Variants in DPYS observed in about 807,000 individuals in gnomAD.
The protein encoded by DPYS is dihydropyrimidinase.
Under a neutral mutation model 50.3 loss-of-function variants are expected in DPYS, and 39 were observed. The observed-to-expected ratio is 0.78, with a 90% confidence interval of 0.60 to 1.01. The LOEUF is 1.01. Ranked by LOEUF, DPYS falls within the 50% of genes least tolerant of loss-of-function variation. The pLI, the probability that DPYS is intolerant of heterozygous loss-of-function variation, is 0.00. For missense variants in DPYS, 659 were observed against 680.9 expected, an observed-to-expected ratio of 0.97 and a Z score of 0.36; for synonymous variants, 245 against 250.7, an observed-to-expected ratio of 0.98 and a Z score of 0.22.
At chr8:104,447,872 G>A (rs573938402) in intron 2 of DPYS, among the ~76,000 whole-genome samples, 23 of 152,200 alleles carry the variant, frequency 1.5e-4, no homozygotes, top group Admixed American at 4.6e-4. Context: ...GGATCCAGCA[G>A]GAATGAACGT....
chr8:104,404,879 T>A (rs1190888575), intron 7 of DPYS, among the ~76,000 whole-genome samples: 2 of 152,266 alleles, frequency 1.3e-5, no homozygotes, highest in Non-Finnish European at 2.9e-5. Flanking sequence ...AAGTACTATG[T>A]GGCTCTTTAC....
At chr8:104,389,603 A>G (rs1010522355) in intron 8 of DPYS, among the ~76,000 whole-genome samples, 1 of 151,832 alleles carries the variant, frequency 6.6e-6, no homozygotes, top group Non-Finnish European at 1.5e-5. Context: ...ACCTTATCAC[A>G]AATCCTGGCT....
At chr8:104,418,052 ATAAG>A (rs1812424463) in intron 7 of DPYS, among the ~76,000 whole-genome samples, 1 of 152,260 alleles carries the variant, frequency 6.6e-6, no homozygotes, top group South Asian at 2.1e-4. Context: ...CATGCCATTA[ATAAG>A]TAACAAGAAT....
At chr8:104,416,388 C>A (rs1476339593) in intron 7 of DPYS, among the ~76,000 whole-genome samples, 1 of 152,184 alleles carries the variant, frequency 6.6e-6, no homozygotes, top group East Asian at 1.9e-4. Flanking sequence ...ACAACCTGAA[C>A]CACCTCAGCC....
At chr8:104,385,006 T>C (rs1422317831) in intron 8 of DPYS, among the ~76,000 whole-genome samples, 1 of 152,192 alleles carries the variant, frequency 6.6e-6, no homozygotes, top group African/African-American at 2.4e-5. Flanking sequence ...TTCTCTAATA[T>C]AGTTTCCTTG....
intron 7 of DPYS, among the ~76,000 whole-genome samples, chr8:104,417,442 G>C (rs908044795): frequency 2.0e-5 from 3 of 152,136 alleles, no homozygotes; most frequent in African/African-American, 7.2e-5. Flanking sequence ...GCTGATCTCT[G>C]TCTTGACCAC....
intron 5 of DPYS, among the ~76,000 whole-genome samples, 200 bp from the exon 6 acceptor site, chr8:104,428,321 G>T (rs1331009669): frequency 6.6e-6 from 1 of 152,224 alleles, no homozygotes; most frequent in African/African-American, 2.4e-5. Context: ...AGGACACACT[G>T]ATCGGAAGCA....
At chr8:104,387,348 T>TAAAC (rs1811244622) in intron 8 of DPYS, among the ~76,000 whole-genome samples, 1 of 152,026 alleles carries the variant, frequency 6.6e-6, no homozygotes, top group Non-Finnish European at 1.5e-5. Flanking sequence ...AATAAATAAA[T>TAAAC]AAATAAACAA....
chr8:104,464,226 G>C (rs1264341214), intron 1 of DPYS, among the ~76,000 whole-genome samples: 1 of 152,166 alleles, frequency 6.6e-6, no homozygotes, highest in Non-Finnish European at 1.5e-5. Context: ...GTTGACAACA[G>C]ACTATACGCC....
At chr8:104,439,519 G>A (rs1813270656) in intron 4 of DPYS, among the ~76,000 whole-genome samples, 3 of 152,190 alleles carry the variant, frequency 2.0e-5, no homozygotes, top group East Asian at 1.9e-4. Context: ...GTGGTAGCTC[G>A]CTCCTGTAAT....
intron 3 of DPYS, among the ~76,000 whole-genome samples, chr8:104,446,200 A>G (rs13250630): frequency 6.6e-6 from 1 of 152,210 alleles, no homozygotes; most frequent in Non-Finnish European, 1.5e-5. Flanking sequence ...GCAAGCTTGT[A>G]TCAAAATATC....
At position 104,424,287 on chromosome 8, in the gene DPYS, A is replaced by T; in HGVS notation, c.1195T>A (p.Ser399Thr). 7.4e-6 allele frequency: 12 copies of T among 1,614,136 alleles called. No homozygotes were observed. The highest frequency in any genetic ancestry group is 8.5e-6 in the Non-Finnish European group (10 of 1,180,012). The change falls in exon 7 of 10, where the codon TCA (serine) becomes ACA (threonine). Residue 399 changes from serine to threonine, a missense_variant. By Grantham distance (58) the Ser-to-Thr change is moderately conservative (BLOSUM62 1). Coordinates refer to ENST00000351513, the MANE Select transcript of DPYS (RefSeq NM_001385.3). The stretch of plus-strand genomic sequence containing the variant: ...TCCCAAATAACAATGTCAGCATCTG[A>T]TCCTACAGCTATTCTTCCTTTTCTT... ...YPRKGRIAVG[S>T]DADIVIWDPK...
At chr8:104,453,945 GAT>G (rs1487293637) in intron 1 of DPYS, among the ~76,000 whole-genome samples, 1 of 152,222 alleles carries the variant, frequency 6.6e-6, no homozygotes, top group Admixed American at 6.5e-5. Context: ...TAGTCACAAA[GAT>G]AATATATTGT....
intron 8 of DPYS, among the ~76,000 whole-genome samples, chr8:104,388,115 T>C (rs1811270234): frequency 6.6e-6 from 1 of 152,230 alleles, no homozygotes; most frequent in African/African-American, 2.4e-5. Context: ...TTCTCTGAGC[T>C]ACCACCTTGA....
intron 4 of DPYS, among the ~76,000 whole-genome samples, chr8:104,431,675 G>C (rs934529074): frequency 6.6e-6 from 1 of 151,940 alleles, no homozygotes; most frequent in African/African-American, 2.4e-5. Context: ...AATAAAAATA[G>C]CTAACACATG....
chr8:104,433,145 G>C (rs1813010869), intron 4 of DPYS, among the ~76,000 whole-genome samples: 1 of 152,054 alleles, frequency 6.6e-6, no homozygotes, highest in Non-Finnish European at 1.5e-5. Flanking sequence ...CTCTCAGAAG[G>C]AGCCAACCCT....
intron 3 of DPYS, among the ~76,000 whole-genome samples, chr8:104,446,048 AAAT>A (rs1813518455): frequency 6.6e-6 from 1 of 152,156 alleles, no homozygotes; most frequent in Non-Finnish European, 1.5e-5. Context: ...CCATCTCAAA[AAAT>A]AATAATAATA....
At chr8:104,397,473 T>C (rs996138490) in intron 7 of DPYS, among the ~76,000 whole-genome samples, 1 of 152,218 alleles carries the variant, frequency 6.6e-6, no homozygotes, top group Non-Finnish European at 1.5e-5. Flanking sequence ...GACATGACTG[T>C]GTTTTGGGAA....
intron 7 of DPYS, among the ~76,000 whole-genome samples, chr8:104,404,375 C>CA (rs1456236751): frequency 6.6e-6 from 1 of 152,106 alleles, no homozygotes; most frequent in Non-Finnish European, 1.5e-5. Context: ...ATATTTCTGC[C>CA]AAGGCTAGGA....
Sources: allele counts gnomAD v4.1 joint callset (sites outside exome capture counted in the v4.1 genomes callset), GRCh38; gene constraint gnomAD v4.1.1; transcripts MANE v1.5; gene names NCBI Gene and HGNC (gene_info 2026-07-23, HGNC 2026-07-21).